NDUFB2: variants seen among roughly 807,000 people sequenced by gnomAD.
NDUFB2 encodes NADH:ubiquinone oxidoreductase subunit B2, also known as NADH dehydrogenase [ubiquinone] 1 beta subcomplex subunit 2, mitochondrial.
A neutral mutation model predicts 13.4 loss-of-function variants in NDUFB2; 13 were observed. The ratio of observed to expected loss-of-function variants is 0.97; its 90% confidence interval spans 0.63 to 1.54. NDUFB2 has a LOEUF of 1.54. Among genes scored for constraint, NDUFB2 ranks in the 40% most tolerant of loss-of-function variants. The pLI, the probability that NDUFB2 is intolerant of heterozygous loss-of-function variation, is 0.00. For synonymous variants in NDUFB2, 47 were observed against 50.6 expected, an observed-to-expected ratio of 0.93 and a Z score of 0.30; for missense variants, 150 against 139.7, an observed-to-expected ratio of 1.07 and a Z score of -0.37.
At chr7:140,699,294 C>T (rs907203117) in intron 1 of NDUFB2, among the ~76,000 whole-genome samples, 1 of 152,196 alleles carries the variant, frequency 6.6e-6, no homozygotes, top group African/African-American at 2.4e-5. Flanking sequence ...TTCCTTCTTA[C>T]AGGACTTGCT....
At chr7:140,701,780 A>AT (rs1794902029) in intron 1 of NDUFB2, 3 of 309,826 alleles carry the variant, frequency 9.7e-6, no homozygotes, top group Non-Finnish European at 1.8e-5. Context: ...TAAAAAAAAA[A>AT]CAAAAATTAG....
chr7:140,705,085 C>T, intron 3 of NDUFB2, 122 bp downstream of exon 3: 1 of 485,280 alleles, frequency 2.1e-6, no homozygotes, highest in Non-Finnish European at 3.5e-6. Flanking sequence ...GTTGAGTTAA[C>T]CATGTCCTGT....
intron 1 of NDUFB2, chr7:140,698,375 G>A: frequency 7.9e-7 from 1 of 1,260,240 alleles, no homozygotes; most frequent in South Asian, 1.2e-5. Flanking sequence ...AGGTGCTGAG[G>A]ATATAGCAGA....
At chr7:140,701,640 A>T (rs1320254664) in intron 1 of NDUFB2, among the ~76,000 whole-genome samples, 1 of 152,082 alleles carries the variant, frequency 6.6e-6, no homozygotes, top group East Asian at 1.9e-4. Flanking sequence ...TCTTTAAAAA[A>T]ACAAACAAAA....
At chr7:140,697,453 A>C in intron 1 of NDUFB2, 1 of 699,552 alleles carries the variant, frequency 1.4e-6, no homozygotes, top group Non-Finnish European at 2.6e-6. Context: ...GGAGAGTGAC[A>C]GGCAGAGCCG....
At chr7:140,697,248 G>A in intron 1 of NDUFB2, 1 of 694,624 alleles carries the variant, frequency 1.4e-6, no homozygotes. Flanking sequence ...GCGCGGTCCA[G>A]GGTCCCGGTG....
intron 3 of NDUFB2, among the ~76,000 whole-genome samples, chr7:140,705,966 G>A (rs914636882): frequency 2.0e-5 from 3 of 150,778 alleles, no homozygotes; most frequent in African/African-American, 4.9e-5. Context: ...AACCCCTAGG[G>A]GTTAATATGT....
chr7:140,699,218 G>C (rs1368059321), intron 1 of NDUFB2, among the ~76,000 whole-genome samples: 2 of 152,128 alleles, frequency 1.3e-5, no homozygotes, highest in African/African-American at 4.8e-5. Flanking sequence ...TTTTAAACTT[G>C]ACTCTCAAAC....
At chr7:140,699,708 T>C (rs1794870517) in intron 1 of NDUFB2, among the ~76,000 whole-genome samples, 1 of 151,794 alleles carries the variant, frequency 6.6e-6, no homozygotes, top group Non-Finnish European at 1.5e-5. Flanking sequence ...GCTTCAGTGA[T>C]TGATTGCTTA....
intron 1 of NDUFB2, among the ~76,000 whole-genome samples, chr7:140,697,614 T>C (rs1410856125): frequency 6.6e-6 from 1 of 152,166 alleles, no homozygotes; most frequent in Admixed American, 6.5e-5. Flanking sequence ...TCATGGATGA[T>C]TCCAGGTCCC....
At chr7:140,700,303 A>C (rs1185036309) in intron 1 of NDUFB2, 1 of 151,572 alleles carries the variant, frequency 6.6e-6, no homozygotes, top group Non-Finnish European at 1.5e-5. Flanking sequence ...TTGTATTTTT[A>C]GTAGAGACGA....
chr7:140,703,974 C>G (rs985565083), intron 2 of NDUFB2, among the ~76,000 whole-genome samples: 1 of 152,040 alleles, frequency 6.6e-6, no homozygotes, highest in South Asian at 2.1e-4. Flanking sequence ...CCAGGATGGT[C>G]TCGATCTCCT....
At position 140,698,644 on chromosome 7, in the gene NDUFB2, C is replaced by T. The variant is rs113469797; in HGVS notation, c.98+1802C>T. On this transcript the variant is annotated intron_variant, in intron 1 of 3. Coordinates refer to ENST00000247866, the MANE Select transcript of NDUFB2 (RefSeq NM_004546.3). ...GAAGAGCCCGGTGGACATAAGAGGGCAGAGGAGGCATCAGGTGGAGAGGCC... is the reference window on the plus strand; with the variant it reads ...GAAGAGCCCGGTGGACATAAGAGGGTAGAGGAGGCATCAGGTGGAGAGGCC... Among the ~76,000 whole-genome samples the T allele has an allele frequency of 9.6e-3, 1,461 of 152,018 alleles. 29 individuals are homozygous for T. The highest frequency in any genetic ancestry group is 0.033 in the African/African-American group (1,379 of 41,450).
intron 1 of NDUFB2, chr7:140,702,401 A>G: frequency 4.1e-6 from 1 of 245,624 alleles, no homozygotes; most frequent in South Asian, 1.1e-4. Flanking sequence ...CCATTAGCAT[A>G]TTTAATAGGA....
rs760518165 is a variant in NDUFB2 at position 140,702,829 on chromosome 7, T to C, written c.99-37T>C. 2.5e-6 allele frequency: 4 copies of C among 1,611,258 alleles called. No homozygotes were observed. The Admixed American group carries it at 6.7e-5, about 27-fold the overall frequency. On this transcript the variant is annotated intron_variant, in intron 1 of 3. Coordinates refer to ENST00000247866, the MANE Select transcript of NDUFB2 (RefSeq NM_004546.3). ...TTTGGATGACTTAACGCTTTGAGAA[T>C]GTAGCACGCTGTCTGCCATGTTGTT...
intron 2 of NDUFB2, 98 bp from the exon 3 acceptor site, chr7:140,704,759 ATTG>A (rs1794942552): frequency 5.1e-6 from 4 of 780,512 alleles, no homozygotes; most frequent in Non-Finnish European, 7.9e-6. Flanking sequence ...GCTGAGCCAT[ATTG>A]TTTTTTTTTT....
At chr7:140,698,175 C>T (rs771233038) in intron 1 of NDUFB2, 1 of 1,352,012 alleles carries the variant, frequency 7.4e-7, no homozygotes, top group East Asian at 4.6e-5. Flanking sequence ...AAGGCAAAGC[C>T]CTGTGTGACT....
At position 140,702,920 on chromosome 7, in the gene NDUFB2, C is replaced by T; in HGVS notation, c.153C>T (p.Thr51=). 6.2e-7 allele frequency: 1 copy of T among 1,614,072 alleles called. No homozygotes were observed. The highest frequency in any genetic ancestry group is 8.5e-7 in the Non-Finnish European group (1 of 1,180,024). ...GGTATAGACAGTTCCCCCAGCTGAC[C>T]AGATCCCAGGTGTTCCAGAGCGAGT... The part of the protein sequence containing the change: ...EPRYRQFPQL[T]RSQVFQSEFF... Residue 51 remains threonine, a synonymous_variant, in exon 2 of 4, where the codon ACC becomes ACT. Transcript: ENST00000247866.
At chr7:140,697,389 C>T (rs530424571) in intron 1 of NDUFB2, 18 of 702,786 alleles carry the variant, frequency 2.6e-5, no homozygotes, top group Admixed American at 2.4e-4. Flanking sequence ...AGAGCGCCGT[C>T]GGGTGAGAGG....
Sources: gnomAD v4.1 joint callset for allele counts (sites outside exome capture counted in the v4.1 genomes callset) on GRCh38, gnomAD v4.1.1 for gene constraint, MANE v1.5 for transcripts, NCBI Gene and HGNC (gene_info 2026-07-23, HGNC 2026-07-21) for gene names.